CHKA: variants seen among roughly 807,000 people sequenced by gnomAD.
The protein encoded by CHKA is CHETK-alpha.
In CHKA, 34 loss-of-function variants were observed where a neutral mutation model predicts 60.1. The ratio of observed to expected loss-of-function variants is 0.57; its 90% CI spans 0.43 to 0.75. The LOEUF is 0.75. Ranked by LOEUF, CHKA falls within the 30% of genes least tolerant of loss-of-function variation. CHKA has a pLI of 0.00. For synonymous variants in CHKA, 217 were observed against 223.1 expected, an observed-to-expected ratio of 0.97 and a Z score of 0.24; for missense variants, 563 against 561.3, an observed-to-expected ratio of 1.00 and a Z score of -0.03.
chr11:68,116,607 C>A (rs939387999), intron 1 of CHKA, among the ~76,000 whole-genome samples: 2 of 151,794 alleles, frequency 1.3e-5, no homozygotes, highest in African/African-American at 4.8e-5. Context: ...ATCCCAGCTA[C>A]TCGGGAGGCC....
chr11:68,093,007 GTTTT>G (rs34534250), intron 2 of CHKA, among the ~76,000 whole-genome samples: 5 of 139,772 alleles, frequency 3.6e-5, no homozygotes, highest in Non-Finnish European at 3.1e-5. Flanking sequence ...TTTTTTTTGG[GTTTT>G]TTTTTTTTTT....
At chr11:68,088,695 C>T (rs1409736835) in intron 2 of CHKA, among the ~76,000 whole-genome samples, 1 of 108,978 alleles carries the variant, frequency 9.2e-6, no homozygotes, top group East Asian at 2.7e-4. Context: ...TTACTTCTTC[C>T]TGATTTCTAT....
At chr11:68,065,139 G>C (rs1384693950) in intron 9 of CHKA, among the ~76,000 whole-genome samples, 1 of 152,154 alleles carries the variant, frequency 6.6e-6, no homozygotes, top group African/African-American at 2.4e-5. Context: ...GTGCCCGAAA[G>C]ATTACTTCTC....
At position 68,121,335 on chromosome 11, in the gene CHKA, A is replaced by G. The variant is rs1216249311; in HGVS notation, c.-158T>C. On this transcript the variant is annotated 5_prime_UTR_variant, in exon 1 of 12. Transcript: ENST00000265689. ...CGGGGCGGCGGCGGCGGCTGCGGCG[A>G]CTGCGGCGACTGTGGAGCGGGGATG... The G allele has an allele frequency of 6.3e-6, 2 of 317,744 alleles. No homozygotes were observed. The highest frequency in any genetic ancestry group is 9.3e-6 in the Non-Finnish European group (2 of 214,776). 19.7% of individuals were successfully genotyped at this position (317,744 alleles called of 1,614,324 possible). A position where few individuals can be genotyped will look rare whatever the true frequency, so the allele number is the denominator to read the frequency against.
intron 4 of CHKA, 89 bp from the exon 5 acceptor site, chr11:68,070,946 T>C (rs1393770723): frequency 1.3e-5 from 18 of 1,336,912 alleles, no homozygotes; most frequent in African/African-American, 4.3e-5. Context: ...AGAAGTGTTT[T>C]TGTAGTGCAT....
chr11:68,072,580 G>A (rs111336381), intron 4 of CHKA, among the ~76,000 whole-genome samples: 8 of 138,866 alleles, frequency 5.8e-5, no homozygotes, highest in African/African-American at 1.3e-4. Context: ...AGCAAATCTA[G>A]AAATAACATA....
At chr11:68,090,763 A>G (rs975360383) in intron 2 of CHKA, among the ~76,000 whole-genome samples, 1 of 152,210 alleles carries the variant, frequency 6.6e-6, no homozygotes, top group African/African-American at 2.4e-5. Context: ...ACAAACAAAA[A>G]CAATTTTCCA....
At chr11:68,110,997 C>CAA (rs368581413) in intron 1 of CHKA, among the ~76,000 whole-genome samples, 2 of 84,196 alleles carry the variant, frequency 2.4e-5, no homozygotes, top group African/African-American at 9.2e-5. Context: ...GACTCCATCT[C>CAA]AAAAAAAAAA....
Position 68,121,326 on chromosome 11 carries a change from GCTGCGGCGACTGCGGCGA to G in CHKA, c.-167_-150del, listed in dbSNP as rs900372938. On this transcript the variant is annotated 5_prime_UTR_variant, in exon 1 of 12. Coordinates refer to ENST00000265689, the MANE Select transcript of CHKA (RefSeq NM_001277.3). ...TTGGGCGCGCGGGGCGGCGGCGGCGGCTGCGGCGACTGCGGCGACTGTGGAGCGGGGATGTGCTGCTGG... is the reference window on the plus strand; with the variant it reads ...TTGGGCGCGCGGGGCGGCGGCGGCGGCTGTGGAGCGGGGATGTGCTGCTGG... 1 of 277,908 alleles carries G rather than the reference GCTGCGGCGACTGCGGCGA, an allele frequency of 3.6e-6. No homozygotes were observed. Among genetic ancestry groups the G allele is most frequent in the Non-Finnish European group, 5.5e-6 (1 of 180,328 alleles). The allele number at this position is 277,908 out of a possible 1,614,324, so 17.2% of individuals were successfully genotyped here.
rs189806710 is a variant in CHKA at position 68,101,381 on chromosome 11, G to A, written c.351-4251C>T. On this transcript the variant is annotated intron_variant, in intron 1 of 11. Transcript: ENST00000265689. ...TTGGAAATGAAGTTAAATTATCCCT[G>A]TTTGCAGACAACATGATCTTACATA... 2.5e-4 allele frequency among the ~76,000 whole-genome samples: 38 copies of A among 152,304 alleles called. No homozygotes were observed. In the East Asian group the frequency reaches 6.9e-3, roughly 28 times the overall value.
At chr11:68,060,032 CT>C (rs377176560) in intron 11 of CHKA, among the ~76,000 whole-genome samples, 15 of 134,154 alleles carry the variant, frequency 1.1e-4, no homozygotes, top group Non-Finnish European at 9.5e-5. Context: ...GAGTTTCACT[CT>C]TTTTTTTTTG....
At chr11:68,064,359 G>T (rs1356080710) in intron 10 of CHKA, among the ~76,000 whole-genome samples, 166 bp downstream of exon 10, 1 of 151,614 alleles carries the variant, frequency 6.6e-6, no homozygotes, top group Admixed American at 6.6e-5. Context: ...AGTGAGCCGA[G>T]ATTGCGCCAC....
intron 11 of CHKA, among the ~76,000 whole-genome samples, chr11:68,059,134 A>T (rs1465295714): frequency 6.6e-6 from 1 of 152,204 alleles, no homozygotes; most frequent in Admixed American, 6.5e-5. Flanking sequence ...ACCTCAGGTG[A>T]TCCACCTGCC....
intron 4 of CHKA, among the ~76,000 whole-genome samples, chr11:68,072,331 G>A (rs1165300970): frequency 6.6e-6 from 1 of 152,056 alleles, no homozygotes; most frequent in Non-Finnish European, 1.5e-5. Flanking sequence ...GACTGCTTGA[G>A]CCCAGGAGTT....
At chr11:68,108,548 T>G (rs1590880688) in intron 1 of CHKA, among the ~76,000 whole-genome samples, 1 of 152,106 alleles carries the variant, frequency 6.6e-6, no homozygotes, top group East Asian at 1.9e-4. Context: ...ATCGAGACCA[T>G]CCTGGCTAAC....
chr11:68,067,468 G>A (rs1021279414), intron 7 of CHKA, among the ~76,000 whole-genome samples: 3 of 151,980 alleles, frequency 2.0e-5, no homozygotes, highest in Non-Finnish European at 4.4e-5. Flanking sequence ...AGTGGTGTGC[G>A]CCTGTGATCC....
In CHKA at chr11:68,095,725, AAAAAAAAAAC is replaced by A. The variant is rs1368872090; in HGVS notation, c.462+1284_462+1293del. On this transcript the variant is annotated intron_variant, in intron 2 of 11. Coordinates refer to ENST00000265689, the MANE Select transcript of CHKA (RefSeq NM_001277.3). Reference sequence around the variant, plus strand: ...CTCCGTCGCAAAAAAAAAAAAAAAAAAAAAAAAAACAACAGGTATCAAAATCCTACCACAG... The same window carrying A: ...CTCCGTCGCAAAAAAAAAAAAAAAAAAACAGGTATCAAAATCCTACCACAG... Among the ~76,000 whole-genome samples, 96 of 142,314 alleles carry A rather than the reference AAAAAAAAAAC, an allele frequency of 6.7e-4. 1 individual carries two copies. Among genetic ancestry groups the A allele is most frequent in the African/African-American group, 8.5e-4 (32 of 37,746 alleles). 93.4% of individuals were successfully genotyped at this position (142,314 alleles called of 152,430 possible).
chr11:68,098,657 ATGC>A (rs1857593603), intron 1 of CHKA, among the ~76,000 whole-genome samples: 1 of 152,112 alleles, frequency 6.6e-6, no homozygotes. Context: ...TGTATTTTTA[ATGC>A]TGCTTATTTT....
intron 4 of CHKA, among the ~76,000 whole-genome samples, 185 bp downstream of exon 4, chr11:68,074,532 A>G (rs1856722469): frequency 6.6e-6 from 1 of 152,232 alleles, no homozygotes; most frequent in African/African-American, 2.4e-5. Context: ...ACCTTTACAG[A>G]AAAGAAAGAG....
Sources: gnomAD v4.1 joint callset for allele counts (sites outside exome capture counted in the v4.1 genomes callset) on GRCh38, gnomAD v4.1.1 for gene constraint, MANE v1.5 for transcripts, NCBI Gene and HGNC (gene_info 2026-07-23, HGNC 2026-07-21) for gene names.